The following ENDOU variants were observed in gnomAD, a reference collection of about 807,000 sequenced individuals.
ENDOU encodes the protein uridylate-specific endoribonuclease.
A neutral mutation model predicts 54.2 loss-of-function variants in ENDOU; 49 were observed. The observed-to-expected ratio is 0.90, with a 90% CI of 0.72 to 1.15. The LOEUF (loss-of-function observed/expected upper bound fraction) is 1.15, where lower values mean the gene tolerates loss of function less well. Among genes scored for constraint, ENDOU ranks in the 50% most tolerant of loss-of-function variants. ENDOU has a pLI of 0.00. For synonymous variants in ENDOU, 172 were observed against 190.5 expected, an observed-to-expected ratio of 0.90 and a Z score of 0.80; for missense variants, 458 against 511.4, an observed-to-expected ratio of 0.90 and a Z score of 1.01.
chr12:47,714,946 CAG>C (rs1940173680), intron 6 of ENDOU, among the ~76,000 whole-genome samples: 1 of 152,212 alleles, frequency 6.6e-6, no homozygotes, highest in Admixed American at 6.5e-5. Context: ...CATAAAATAA[CAG>C]AGAATGGTTT....
At chr12:47,711,577 C>T in intron 9 of ENDOU, 56 bp downstream of exon 9, 1 of 1,582,928 alleles carries the variant, frequency 6.3e-7, no homozygotes, top group South Asian at 1.1e-5. Flanking sequence ...TCTGTGATGG[C>T]TGAGGACAGC....
At chr12:47,718,438 G>T (rs1265611686) in intron 2 of ENDOU, among the ~76,000 whole-genome samples, 1 of 152,196 alleles carries the variant, frequency 6.6e-6, no homozygotes, top group Non-Finnish European at 1.5e-5. Context: ...TTCCCCAGGT[G>T]ACACATCTGG....
Position 47,725,355 on chromosome 12 carries a change from T to TTACC in ENDOU, c.55_55+3dup. ...AATCCCATGCCCGCCAGATAGTGAC[T>TTACC]TACCAGCCCAGGCCAGGCCACACAG... On this transcript the variant is annotated splice_donor_region_variant and intron_variant, in intron 1 of 9. Coordinates refer to ENST00000422538, the MANE Select transcript of ENDOU (RefSeq NM_001172439.2). 6.2e-7 allele frequency: 1 copy of TTACC among 1,614,146 alleles called. No individual in the cohort carries two copies.
intron 1 of ENDOU, among the ~76,000 whole-genome samples, chr12:47,721,700 T>C (rs1411154954): frequency 6.6e-6 from 1 of 152,246 alleles, no homozygotes; most frequent in Non-Finnish European, 1.5e-5. Flanking sequence ...CCAAATGGTT[T>C]GCAGAAGCAA....
At chr12:47,721,869 G>A (rs896770961) in intron 1 of ENDOU, among the ~76,000 whole-genome samples, 15 of 152,206 alleles carry the variant, frequency 9.9e-5, no homozygotes, top group Non-Finnish European at 2.1e-4. Flanking sequence ...CATACTGTGG[G>A]TTACAGAGAA....
chr12:47,721,345 G>A (rs551576798), intron 1 of ENDOU, among the ~76,000 whole-genome samples: 1 of 151,936 alleles, frequency 6.6e-6, no homozygotes, highest in Non-Finnish European at 1.5e-5. Flanking sequence ...TTCCAACCTT[G>A]TAACACTTTA....
In ENDOU at chr12:47,723,354, G is replaced by A. The variant is rs114773188; in HGVS notation, c.55+2005C>T. ...CATAGGCACTTTGCTGTGACATTCT[G>A]GGGACACTCTGATGAGTAACTAGTC... On this transcript the variant is annotated intron_variant, in intron 1 of 9. Transcript: ENST00000422538. Among the ~76,000 whole-genome samples the A allele has an allele frequency of 8.8e-3, 1,343 of 152,204 alleles. 24 individuals carry two copies. Among genetic ancestry groups the A allele is most frequent in the African/African-American group, 0.03 (1,265 of 41,516 alleles).
In ENDOU at chr12:47,713,406, G is replaced by A. The variant is rs372535604; in HGVS notation, c.752-18C>T. ...ATAGCGATCTGCAGAGGAACACAAA[G>A]GGTTTTGGAGAGGGGAGGCAGGGCC... is the stretch of plus-strand genomic sequence containing the variant. On this transcript the variant is annotated intron_variant, in intron 6 of 9. Coordinates refer to ENST00000422538, the MANE Select transcript of ENDOU (RefSeq NM_001172439.2). 1 of 1,597,718 alleles carries A rather than the reference G, an allele frequency of 6.3e-7. No individual in the cohort carries two copies. The highest frequency in any genetic ancestry group is 8.6e-7 in the Non-Finnish European group (1 of 1,165,288).
At chr12:47,713,098 A>G (rs1236909243) in intron 7 of ENDOU, among the ~76,000 whole-genome samples, 177 bp downstream of exon 7, 1 of 151,728 alleles carries the variant, frequency 6.6e-6, no homozygotes, top group African/African-American at 2.4e-5. Flanking sequence ...GTTTCTCAGA[A>G]TGGCTCCTCA....
intron 6 of ENDOU, among the ~76,000 whole-genome samples, chr12:47,714,446 T>A (rs1399757925): frequency 6.6e-6 from 1 of 152,250 alleles, no homozygotes; most frequent in South Asian, 2.1e-4. Flanking sequence ...TTGAGGCTCA[T>A]GCTTTGTCTA....
chr12:47,720,699 G>A (rs906825862), intron 2 of ENDOU, 54 bp downstream of exon 2: 5 of 1,526,534 alleles, frequency 3.3e-6, no homozygotes, highest in Non-Finnish European at 4.4e-6. Flanking sequence ...GGACACCCAG[G>A]CCAGTGGCCC....
chr12:47,721,465 C>G (rs1381132369), intron 1 of ENDOU, among the ~76,000 whole-genome samples: 1 of 152,200 alleles, frequency 6.6e-6, no homozygotes, highest in Admixed American at 6.5e-5. Context: ...TCCGCTGGCT[C>G]TTATTCCATC....
At chr12:47,712,337 AG>A (rs969317921) in intron 8 of ENDOU, among the ~76,000 whole-genome samples, 178 bp downstream of exon 8, 1 of 152,088 alleles carries the variant, frequency 6.6e-6, no homozygotes, top group Admixed American at 6.5e-5. Context: ...ACTGTTTGGA[AG>A]GGAATTCCAG....
chr12:47,713,116 C>T (rs1007035736), intron 7 of ENDOU, among the ~76,000 whole-genome samples, 159 bp downstream of exon 7: 3 of 152,154 alleles, frequency 2.0e-5, no homozygotes, highest in African/African-American at 7.2e-5. Flanking sequence ...TCAGACACCC[C>T]CCCGCCCCCC....
Position 47,725,378 on chromosome 12 carries a change from C to T in ENDOU, c.36G>A (p.Leu12=). The change falls in exon 1 of 10, where the codon CTG becomes CTA. Residue 12 remains leucine (L), a synonymous_variant. Transcript: ENST00000422538. Reference sequence around the variant, plus strand: ...ACTTACCAGCCCAGGCCAGGCCACACAGCACGGCCAATACCAGGGAGATGC... The same window carrying T: ...ACTTACCAGCCCAGGCCAGGCCACATAGCACGGCCAATACCAGGGAGATGC... The part of the protein sequence containing the change: ...RACISLVLAV[L]CGLAWAGKIE... 1 of 1,614,226 alleles carries T rather than the reference C, an allele frequency of 6.2e-7. No homozygotes were observed. The highest frequency in any genetic ancestry group is 8.5e-7 in the Non-Finnish European group (1 of 1,180,032).
Position 47,710,593 on chromosome 12 carries a change from G to T in ENDOU, c.*209C>A. The T allele has an allele frequency of 4.0e-6, 2 of 504,442 alleles. No homozygotes were observed. The highest frequency in any genetic ancestry group is 3.6e-6 in the Non-Finnish European group (1 of 276,868). 31.2% of individuals were successfully genotyped at this position (504,442 alleles called of 1,614,324 possible). A position where few individuals can be genotyped will look rare whatever the true frequency, so the allele number is the denominator to read the frequency against. ...CTTAGTCAACATTGCCAAAATTCTAGAGGATAAAGGTTTGACTGTTTATCC... is the reference window on the plus strand; with the variant it reads ...CTTAGTCAACATTGCCAAAATTCTATAGGATAAAGGTTTGACTGTTTATCC... On this transcript the variant is annotated 3_prime_UTR_variant, in exon 10 of 10. Coordinates refer to ENST00000422538, the MANE Select transcript of ENDOU (RefSeq NM_001172439.2).
intron 8 of ENDOU, among the ~76,000 whole-genome samples, chr12:47,712,105 A>G (rs772218632): frequency 6.6e-5 from 10 of 152,170 alleles, no homozygotes; most frequent in South Asian, 6.2e-4. Context: ...ACTGCCCCCA[A>G]ATTATTTCCT....
chr12:47,717,204 CAG>C (rs1592508149), intron 4 of ENDOU, 146 bp from the exon 5 acceptor site: 1 of 691,724 alleles, frequency 1.4e-6, no homozygotes, highest in East Asian at 2.5e-5. Flanking sequence ...TAGTGGTGGA[CAG>C]GGGCCCAGAG....
At chr12:47,711,882 G>A in intron 8 of ENDOU, 107 bp from the exon 9 acceptor site, 3 of 1,274,426 alleles carry the variant, frequency 2.4e-6, no homozygotes, top group Middle Eastern at 2.0e-4. Flanking sequence ...GTCCATTAGG[G>A]GCCTGTGTGA....
Sources: allele counts gnomAD v4.1 joint callset (sites outside exome capture counted in the v4.1 genomes callset), GRCh38; gene constraint gnomAD v4.1.1; transcripts MANE v1.5; gene names NCBI Gene and HGNC (gene_info 2026-07-23, HGNC 2026-07-21).